Variants in BNC2 observed in about 807,000 individuals in gnomAD.
The protein encoded by BNC2 is basonuclin zinc finger protein 2.
BNC2 carries 20 observed loss-of-function variants against 76.3 expected under a neutral mutation model. That is an observed-to-expected ratio of 0.26 (90% CI 0.18 to 0.38). The LOEUF is 0.38. Ranked by LOEUF, BNC2 falls within the 10% of genes least tolerant of loss-of-function variation. BNC2 has a pLI of 1.00. For missense variants in BNC2, 1,382 were observed against 1,399.8 expected (o/e 0.99, Z 0.20); for synonymous variants, 582 against 514.8 (o/e 1.13, Z -1.77).
chr9:16,649,771 T>G (rs1237942549), intron 3 of BNC2, among the ~76,000 whole-genome samples: 1 of 152,202 alleles, frequency 6.6e-6, no homozygotes. Context: ...CTTCATTTGT[T>G]TGAGAGGCCA....
chr9:16,660,379 G>A (rs1484204905), intron 3 of BNC2, among the ~76,000 whole-genome samples: 3 of 152,092 alleles, frequency 2.0e-5, no homozygotes, highest in Admixed American at 6.5e-5. Context: ...GCTTGAACCT[G>A]GGAGGCAGAA....
intron 3 of BNC2, among the ~76,000 whole-genome samples, chr9:16,678,091 A>G (rs1822705476): frequency 6.6e-6 from 1 of 151,860 alleles, no homozygotes; most frequent in Non-Finnish European, 1.5e-5. Context: ...AAAGGAAAAG[A>G]GAAAATGGAG....
intron 1 of BNC2, among the ~76,000 whole-genome samples, chr9:16,862,529 C>G (rs60169560): frequency 6.6e-6 from 1 of 152,200 alleles, no homozygotes; most frequent in South Asian, 2.1e-4. Context: ...CAGCGCTGTT[C>G]TGAGTCTCTA....
chr9:16,847,389 G>GTAT (rs1819010122), intron 1 of BNC2, among the ~76,000 whole-genome samples: 1 of 48,890 alleles, frequency 2.0e-5, no homozygotes, highest in Admixed American at 1.7e-4. Context: ...TCTCTCTGAA[G>GTAT]ATTTCTCGGG....
chr9:16,415,548 A>G lies in BNC2; in HGVS notation c.*3441T>C, dbSNP rs926675048. 54 of 152,548 alleles carry G rather than the reference A, an allele frequency of 3.5e-4. No homozygotes were observed. Among genetic ancestry groups the G allele is most frequent in the African/African-American group, 1.3e-3 (52 of 41,578 alleles). 9.4% of individuals were successfully genotyped at this position (152,548 alleles called of 1,614,324 possible). On this transcript the variant is annotated 3_prime_UTR_variant, in exon 7 of 7. Coordinates refer to ENST00000380672, the MANE Select transcript of BNC2 (RefSeq NM_017637.6). ...AACTGTTTAACAACAAAAAACTCCTATGAAAAAGCAAATGAGTAGGAATGG... is the reference window on the plus strand; with the variant it reads ...AACTGTTTAACAACAAAAAACTCCTGTGAAAAAGCAAATGAGTAGGAATGG...
At chr9:16,665,324 C>G (rs10962529) in intron 3 of BNC2, 1 of 262,676 alleles carries the variant, frequency 3.8e-6, no homozygotes, top group Admixed American at 5.3e-5. Context: ...AAGCTAAGAC[C>G]GTGCCACTGT....
rs35763446 is a variant in BNC2, at chr9:16,702,538, T to TA, written c.330+25258dup. On this transcript the variant is annotated intron_variant, in intron 3 of 6. Transcript: ENST00000380672. ...TAAATAACGCCAGAGTTTCTTTACT[T>TA]AAAAAAAAAAAAAAAAAAGACATCT... 9.5e-3 allele frequency among the ~76,000 whole-genome samples: 1,309 copies of TA among 138,380 alleles called. 20 individuals carry two copies. Among genetic ancestry groups the TA allele is most frequent in the African/African-American group, 0.027 (1,010 of 36,994 alleles). The allele number at this position is 138,380 out of a possible 152,430, so 90.8% of individuals were successfully genotyped here.
At chr9:16,515,717 G>GAA (rs748663886) in intron 5 of BNC2, among the ~76,000 whole-genome samples, 14 of 101,952 alleles carry the variant, frequency 1.4e-4, no homozygotes, top group African/African-American at 3.4e-4. Context: ...GGTACAATTT[G>GAA]AAAAAAAAAA....
chr9:16,660,239 G>C (rs1587285228), intron 3 of BNC2, among the ~76,000 whole-genome samples: 1 of 152,300 alleles, frequency 6.6e-6, no homozygotes, highest in East Asian at 1.9e-4. Flanking sequence ...CGGATCACCT[G>C]AGGTTGGCAG....
chr9:16,805,427 A>G (rs1042959499), intron 1 of BNC2, among the ~76,000 whole-genome samples: 1 of 152,042 alleles, frequency 6.6e-6, no homozygotes, highest in African/African-American at 2.4e-5. Flanking sequence ...CCTCGGTTCA[A>G]GTGATTCTCC....
At chr9:16,776,410 G>C (rs1008502932) in intron 1 of BNC2, among the ~76,000 whole-genome samples, 1 of 152,102 alleles carries the variant, frequency 6.6e-6, no homozygotes, top group Non-Finnish European at 1.5e-5. Context: ...AAAGTGCTAG[G>C]ATTACAGGGG....
chr9:16,833,292 C>G (rs1818626065), intron 1 of BNC2, among the ~76,000 whole-genome samples: 1 of 152,186 alleles, frequency 6.6e-6, no homozygotes, highest in Non-Finnish European at 1.5e-5. Context: ...TCCAAAAACA[C>G]TCTTCTTGAC....
intron 3 of BNC2, among the ~76,000 whole-genome samples, chr9:16,680,788 T>C (rs550131114): frequency 6.6e-6 from 1 of 152,006 alleles, no homozygotes; most frequent in Admixed American, 6.5e-5. Context: ...AAGGCTTCTG[T>C]GCATGTTAGT....
At chr9:16,696,324 T>C (rs1299098996) in intron 3 of BNC2, among the ~76,000 whole-genome samples, 3 of 152,252 alleles carry the variant, frequency 2.0e-5, no homozygotes, top group Non-Finnish European at 4.4e-5. Context: ...AAATGCTTGA[T>C]AGACACTCTA....
intron 3 of BNC2, among the ~76,000 whole-genome samples, chr9:16,619,541 C>T (rs1373215736): frequency 6.6e-6 from 1 of 152,110 alleles, no homozygotes; most frequent in Non-Finnish European, 1.5e-5. Context: ...ATGGGTTGAG[C>T]TTATGAAACC....
intron 5 of BNC2, among the ~76,000 whole-genome samples, chr9:16,522,865 T>G (rs1167044007): frequency 3.3e-5 from 5 of 152,018 alleles, no homozygotes; most frequent in African/African-American, 1.2e-4. Flanking sequence ...AAACCACCAC[T>G]CTGTTTTAAC....
At chr9:16,721,653 C>T (rs893922488) in intron 3 of BNC2, among the ~76,000 whole-genome samples, 5 of 152,144 alleles carry the variant, frequency 3.3e-5, no homozygotes, top group Non-Finnish European at 7.3e-5. Context: ...AACCAGGCTC[C>T]AAACCTACCG....
At chr9:16,607,868 T>C (rs1820427158) in intron 3 of BNC2, among the ~76,000 whole-genome samples, 1 of 152,116 alleles carries the variant, frequency 6.6e-6, no homozygotes, top group African/African-American at 2.4e-5. Context: ...CAAAATAAAT[T>C]TGACTCTCCT....
intron 6 of BNC2, chr9:16,435,240 G>A (rs1820981656): frequency 2.4e-6 from 1 of 418,596 alleles, no homozygotes; most frequent in Non-Finnish European, 4.4e-6. Context: ...GGGAAGCAGG[G>A]AACCGTGTAC....
Sources: gnomAD v4.1 joint callset for allele counts (sites outside exome capture counted in the v4.1 genomes callset) on GRCh38, gnomAD v4.1.1 for gene constraint, MANE v1.5 for transcripts, NCBI Gene and HGNC (gene_info 2026-07-23, HGNC 2026-07-21) for gene names.